CACNA2D3: variants seen among roughly 807,000 people sequenced by gnomAD.
The protein encoded by CACNA2D3 is calcium voltage-gated channel auxiliary subunit alpha2delta 3, also known as voltage-dependent calcium channel subunit alpha-2/delta-3.
A neutral mutation model predicts 160.6 loss-of-function variants in CACNA2D3; 60 were observed. That is an observed-to-expected ratio of 0.37 (90% CI 0.30 to 0.46). The LOEUF is 0.46. Among genes scored for constraint, CACNA2D3 ranks in the 20% least tolerant of loss-of-function variants. The pLI is 1.00. For synonymous variants in CACNA2D3, 558 were observed against 492.9 expected (o/e 1.13, Z -1.75); for missense variants, 1,205 against 1,365.0 (o/e 0.88, Z 1.85).
chr3:54,537,311 G>T (rs1013952713), intron 5 of CACNA2D3, among the ~76,000 whole-genome samples: 3 of 152,136 alleles, frequency 2.0e-5, no homozygotes, highest in Non-Finnish European at 2.9e-5. Flanking sequence ...CTCTGGACTA[G>T]AGGGCATGGT....
chr3:54,143,489 A>G (rs1045779418), intron 2 of CACNA2D3, among the ~76,000 whole-genome samples: 7 of 152,088 alleles, frequency 4.6e-5, no homozygotes, highest in African/African-American at 1.4e-4. Flanking sequence ...TGTCATTGTT[A>G]ATTTTTTTAT....
intron 12 of CACNA2D3, among the ~76,000 whole-genome samples, chr3:54,763,958 C>T (rs1466280842): frequency 2.0e-5 from 3 of 147,420 alleles, no homozygotes; most frequent in African/African-American, 5.0e-5. Context: ...CAGGAACTTC[C>T]TCTGGGAGAT....
chr3:55,038,008 G>C (rs995761655), intron 35 of CACNA2D3, among the ~76,000 whole-genome samples: 1 of 152,178 alleles, frequency 6.6e-6, no homozygotes, highest in African/African-American at 2.4e-5. Flanking sequence ...TTCCTGAGAA[G>C]TCACTGTATT....
intron 13 of CACNA2D3, among the ~76,000 whole-genome samples, chr3:54,808,288 A>T (rs911195004): frequency 6.6e-6 from 1 of 152,182 alleles, no homozygotes; most frequent in Non-Finnish European, 1.5e-5. Context: ...GCTGAAAGCC[A>T]TTAGAAGCTA....
chr3:54,334,248 A>G (rs577932720), intron 3 of CACNA2D3, among the ~76,000 whole-genome samples: 59 of 152,094 alleles, frequency 3.9e-4, no homozygotes, highest in African/African-American at 1.4e-3. Context: ...CACGACGCTC[A>G]GCTAATTTTT....
At chr3:54,348,220 A>G (rs9859898) in intron 3 of CACNA2D3, among the ~76,000 whole-genome samples, 3,401 of 152,260 alleles carry the variant, frequency 0.022, 57 homozygotes, top group South Asian at 0.056. Context: ...GAATGGATTC[A>G]ACATAGTCAA....
intron 4 of CACNA2D3, 135 bp downstream of exon 4, chr3:54,386,909 C>CCTGTCAAAGA: frequency 1.3e-6 from 1 of 770,286 alleles, no homozygotes; most frequent in Non-Finnish European, 2.0e-6. Flanking sequence ...GAGTTGGAAT[C>CCTGTCAAAGA]TTTGACAGGA....
intron 17 of CACNA2D3, among the ~76,000 whole-genome samples, chr3:54,865,754 C>A (rs1375869317): frequency 6.6e-6 from 1 of 152,218 alleles, no homozygotes; most frequent in East Asian, 1.9e-4. Context: ...TGCATCTCAT[C>A]AATCAGTATC....
In CACNA2D3 at chr3:54,477,173, G is replaced by T. The variant is rs527878950; in HGVS notation, c.382-26319G>T. 9.2e-5 allele frequency among the ~76,000 whole-genome samples: 14 copies of T among 152,222 alleles called. No homozygotes were observed. In the East Asian group the frequency reaches 2.3e-3, roughly 25 times the overall value. Reference sequence around the variant, plus strand: ...AACAGATAATTCTCATGGGGTATTAGCTCATATGTAAAGTGATGAGATGGG... The same window carrying T: ...AACAGATAATTCTCATGGGGTATTATCTCATATGTAAAGTGATGAGATGGG... On this transcript the variant is annotated intron_variant, in intron 4 of 37. Transcript: ENST00000474759.
At chr3:54,715,246 G>T (rs1169760988) in intron 11 of CACNA2D3, among the ~76,000 whole-genome samples, 1 of 152,106 alleles carries the variant, frequency 6.6e-6, no homozygotes, top group Non-Finnish European at 1.5e-5. Flanking sequence ...TATAATAAAT[G>T]TACACGTTTA....
intron 2 of CACNA2D3, among the ~76,000 whole-genome samples, chr3:54,253,775 G>GT (rs11325336): frequency 5.1e-4 from 77 of 151,182 alleles, no homozygotes; most frequent in Middle Eastern, 3.4e-3. Context: ...GTGATTCCCT[G>GT]TTTTTTTTTG....
chr3:54,531,901 G>A (rs957035957), intron 5 of CACNA2D3, among the ~76,000 whole-genome samples: 3 of 152,200 alleles, frequency 2.0e-5, no homozygotes, highest in East Asian at 1.9e-4. Flanking sequence ...TTCCCTCTGC[G>A]GATGGTCAGG....
At chr3:54,570,769 A>T (rs1559515536) in intron 8 of CACNA2D3, among the ~76,000 whole-genome samples, 1 of 152,072 alleles carries the variant, frequency 6.6e-6, no homozygotes, top group Non-Finnish European at 1.5e-5. Flanking sequence ...AAGGCTGGCA[A>T]ATGGGAGATC....
chr3:54,607,902 C>T (rs1698669025), intron 9 of CACNA2D3, among the ~76,000 whole-genome samples: 1 of 152,100 alleles, frequency 6.6e-6, no homozygotes, highest in African/African-American at 2.4e-5. Context: ...TTAAAAAAAG[C>T]CAGTCTCAAA....
intron 4 of CACNA2D3, among the ~76,000 whole-genome samples, chr3:54,393,402 G>A (rs1378580472): frequency 6.6e-6 from 1 of 152,170 alleles, no homozygotes; most frequent in Non-Finnish European, 1.5e-5. Context: ...AACCACTGCT[G>A]GAGTGTGTGT....
intron 14 of CACNA2D3, among the ~76,000 whole-genome samples, chr3:54,835,408 C>T (rs553335591): frequency 1.3e-3 from 191 of 152,310 alleles, no homozygotes; most frequent in African/African-American, 4.5e-3. Flanking sequence ...CTAACAAGCA[C>T]TTAGGTGCTA....
At position 54,149,925 on chromosome 3, in the gene CACNA2D3, CT is replaced by C. The variant is rs1700111527; in HGVS notation, c.204+26332del. 8.0e-4 allele frequency among the ~76,000 whole-genome samples: 54 copies of C among 67,820 alleles called. 3 individuals are homozygous for C. Among genetic ancestry groups the C allele is most frequent in the African/African-American group, 1.8e-3 (28 of 15,814 alleles). The allele number at this position is 67,820 out of a possible 152,430, so 44.5% of individuals were successfully genotyped here. On this transcript the variant is annotated intron_variant, in intron 2 of 37. Transcript: ENST00000474759. ...TCTCTCTCTCTCTCTCTCTCTCTCT[CT>C]CTCTCCCTCCCTCCCTCCCTCCCTC...
chr3:55,054,077 C>T (rs1212997398), intron 35 of CACNA2D3, among the ~76,000 whole-genome samples: 1 of 151,394 alleles, frequency 6.6e-6, no homozygotes, highest in Non-Finnish European at 1.5e-5. Flanking sequence ...ATTGGTTGCA[C>T]TAAGGTTTAC....
chr3:54,765,032 GT>G lies in CACNA2D3; in HGVS notation c.1380+682del, dbSNP rs200555123. ...AGTGATAATAAGTCTGATGGGAGTG[GT>G]GTTTTTCATTTATTGATTGTAAGTG... On this transcript the variant is annotated intron_variant, in intron 13 of 37. Coordinates refer to ENST00000474759, the MANE Select transcript of CACNA2D3 (RefSeq NM_018398.3). 3.3e-5 allele frequency among the ~76,000 whole-genome samples: 4 copies of G among 122,484 alleles called. No homozygotes were observed. The East Asian group carries it at 1.0e-3, about 32-fold the overall frequency. 80.4% of individuals were successfully genotyped at this position (122,484 alleles called of 152,430 possible). A position where few individuals can be genotyped will look rare whatever the true frequency, so the allele number is the denominator to read the frequency against.
Sources: allele counts gnomAD v4.1 joint callset (sites outside exome capture counted in the v4.1 genomes callset), GRCh38; gene constraint gnomAD v4.1.1; transcripts MANE v1.5; gene names NCBI Gene and HGNC (gene_info 2026-07-23, HGNC 2026-07-21).